Variants in ADGRB3 observed in about 807,000 individuals in gnomAD.
ADGRB3 encodes brain-specific angiogenesis inhibitor 3.
ADGRB3 carries 37 observed loss-of-function variants against 193.4 expected under a neutral mutation model. The ratio of observed to expected loss-of-function variants is 0.19; its 90% CI spans 0.15 to 0.25. The LOEUF (loss-of-function observed/expected upper bound fraction) is 0.25. Ranked by LOEUF, ADGRB3 falls within the 10% of genes least tolerant of loss-of-function variation. ADGRB3 has a pLI of 1.00. For synonymous variants in ADGRB3, 690 were observed against 644.2 expected (o/e 1.07, Z -1.08); for missense variants, 1,637 against 1,852.9 (o/e 0.88, Z 2.14).
At chr6:69,131,598 A>G (rs1480635229) in intron 17 of ADGRB3, among the ~76,000 whole-genome samples, 2 of 152,204 alleles carry the variant, frequency 1.3e-5, no homozygotes. Flanking sequence ...TTTAAATTTT[A>G]TAACAAGTAC....
Position 68,950,231 on chromosome 6 carries a change from T to C in ADGRB3, c.1196-5793T>C, listed in dbSNP as rs543079612. ...ACCATACCCAACTAACTTTATTTTTTATTTTTGTAGCAACACGGTCCCACT... is the reference window on the plus strand; with the variant it reads ...ACCATACCCAACTAACTTTATTTTTCATTTTTGTAGCAACACGGTCCCACT... On this transcript the variant is annotated intron_variant, in intron 6 of 31. Transcript: ENST00000370598. Among the ~76,000 whole-genome samples, 4 of 152,238 alleles carry C rather than the reference T, an allele frequency of 2.6e-5. No homozygotes were observed. The South Asian group carries it at 6.2e-4, about 24-fold the overall frequency.
intron 17 of ADGRB3, among the ~76,000 whole-genome samples, chr6:69,189,008 CTTAA>C (rs1765128570): frequency 6.6e-6 from 1 of 152,092 alleles, no homozygotes; most frequent in South Asian, 2.1e-4. Context: ...GATTTTTAAA[CTTAA>C]TTAAACAGGA....
rs138448838 is a variant in ADGRB3, at chr6:68,757,466, T to C, written c.757+118034T>C. Among the ~76,000 whole-genome samples the C allele has an allele frequency of 2.6e-3, 390 of 152,240 alleles. 1 individual carries two copies. Among genetic ancestry groups the C allele is most frequent in the African/African-American group, 8.9e-3 (370 of 41,568 alleles). On this transcript the variant is annotated intron_variant, in intron 3 of 31. Transcript: ENST00000370598. ...CTTATTTGTCTGACTGACTTTTAGT[T>C]TAAGATTTATTTTCTACCAGACTAT... is the stretch of plus-strand genomic sequence containing the variant.
chr6:68,718,603 T>C (rs2127321713), intron 3 of ADGRB3, among the ~76,000 whole-genome samples: 1 of 151,912 alleles, frequency 6.6e-6, no homozygotes, highest in East Asian at 1.9e-4. Context: ...GTCATATTCA[T>C]TTCTCAAGAC....
chr6:69,298,335 C>G (rs778295333), intron 20 of ADGRB3, among the ~76,000 whole-genome samples: 12 of 151,738 alleles, frequency 7.9e-5, no homozygotes, highest in Non-Finnish European at 1.8e-4. Flanking sequence ...CTTCTTTATT[C>G]TTTTTTTAAG....
intron 17 of ADGRB3, among the ~76,000 whole-genome samples, chr6:69,077,649 A>G (rs548928779): frequency 6.6e-6 from 1 of 152,132 alleles, no homozygotes; most frequent in East Asian, 1.9e-4. Context: ...TTCTGAGGTT[A>G]GCATTCACCT....
At chr6:69,247,761 C>T (rs546881844) in intron 20 of ADGRB3, among the ~76,000 whole-genome samples, 11 of 152,036 alleles carry the variant, frequency 7.2e-5, no homozygotes, top group East Asian at 1.9e-4. Context: ...TTATATATGG[C>T]GTGAAATTAA....
chr6:68,889,291 G>A (rs768305082), intron 3 of ADGRB3, among the ~76,000 whole-genome samples: 5 of 151,928 alleles, frequency 3.3e-5, no homozygotes, highest in African/African-American at 4.8e-5. Context: ...AGTTATGACT[G>A]AAAAAAACAA....
In ADGRB3 at chr6:69,135,507, C is replaced by CTATA. The variant is rs1267487080; in HGVS notation, c.2480+59470_2480+59473dup. ...CTGTCGTAGTAAGCCAGGGAAAAAG[C>CTATA]TATACATGCATTAATTTCTATGTAT... On this transcript the variant is annotated intron_variant, in intron 17 of 31. Coordinates refer to ENST00000370598, the MANE Select transcript of ADGRB3 (RefSeq NM_001704.3). Among the ~76,000 whole-genome samples, 5 of 152,030 alleles carry CTATA rather than the reference C, an allele frequency of 3.3e-5. No individual in the cohort carries two copies. In the East Asian group the frequency reaches 9.7e-4, roughly 29 times the overall value.
At chr6:69,063,104 G>T in intron 16 of ADGRB3, 68 bp downstream of exon 16, 1 of 1,147,806 alleles carries the variant, frequency 8.7e-7, no homozygotes, top group South Asian at 1.3e-5. Flanking sequence ...TCTTTCAACT[G>T]ATAACACCAG....
At chr6:68,710,365 T>C (rs1765389627) in intron 3 of ADGRB3, among the ~76,000 whole-genome samples, 1 of 152,076 alleles carries the variant, frequency 6.6e-6, no homozygotes, top group African/African-American at 2.4e-5. Context: ...CTGCAGCTCT[T>C]ATTTTGGGTA....
At chr6:69,014,356 A>G (rs1770028628) in intron 12 of ADGRB3, among the ~76,000 whole-genome samples, 2 of 152,038 alleles carry the variant, frequency 1.3e-5, no homozygotes, top group South Asian at 2.1e-4. Context: ...TAATAATTAT[A>G]TACCTAACCA....
intron 3 of ADGRB3, among the ~76,000 whole-genome samples, chr6:68,700,092 A>G (rs1765217279): frequency 6.6e-6 from 1 of 152,172 alleles, no homozygotes; most frequent in African/African-American, 2.4e-5. Flanking sequence ...CAGGTAAATA[A>G]ACACCATGTG....
intron 20 of ADGRB3, among the ~76,000 whole-genome samples, chr6:69,254,880 C>T (rs1475022272): frequency 7.5e-6 from 1 of 132,720 alleles, no homozygotes; most frequent in Non-Finnish European, 1.6e-5. Flanking sequence ...ACAACAGTCC[C>T]CAGAGTGTGA....
chr6:69,068,226 A>G (rs1771966473), intron 16 of ADGRB3, among the ~76,000 whole-genome samples: 1 of 152,188 alleles, frequency 6.6e-6, no homozygotes, highest in Non-Finnish European at 1.5e-5. Flanking sequence ...GTTACAAGCC[A>G]AAAGGGATGT....
intron 20 of ADGRB3, among the ~76,000 whole-genome samples, chr6:69,293,643 T>TA (rs555565783): frequency 1.7e-3 from 253 of 152,250 alleles, no homozygotes; most frequent in African/African-American, 5.7e-3. Context: ...CTACAGATCT[T>TA]ACATTCCAAG....
At chr6:69,107,751 G>A (rs534649320) in intron 17 of ADGRB3, among the ~76,000 whole-genome samples, 43 of 152,272 alleles carry the variant, frequency 2.8e-4, no homozygotes, top group Non-Finnish European at 5.7e-4. Flanking sequence ...CAATGTGGAT[G>A]CAGCTAGAGG....
chr6:69,026,567 G>A (rs1770438031), intron 13 of ADGRB3, among the ~76,000 whole-genome samples: 1 of 152,280 alleles, frequency 6.6e-6, no homozygotes, highest in Middle Eastern at 3.4e-3. Flanking sequence ...AATGCAAAAT[G>A]CTTAACAAGT....
At position 68,974,829 on chromosome 6, in the gene ADGRB3, A is replaced by G; in HGVS notation, c.1592A>G (p.Asp531Gly). The change falls in exon 9 of 32, where the codon GAC becomes GGC. Residue 531 changes from aspartate (D) to glycine (G), a missense_variant. Asp to Gly is a moderately conservative substitution (Grantham distance 94). Around this residue, in one of 7 missense-constraint regions of ADGRB3, gnomAD observed 641 missense variants for 673.9 expected, o/e 0.95. Coordinates refer to ENST00000370598, the MANE Select transcript of ADGRB3 (RefSeq NM_001704.3). ...SMVWKRTPAGDLAFNQCPLNA... is the reference protein window; with the variant it reads ...SMVWKRTPAGGLAFNQCPLNA... ...GTGTGGAAAAGAACTCCAGCAGGCG[A>G]CTTGGCATTCAATCAATGTCCCCTG... The G allele has an allele frequency of 2.5e-6, 4 of 1,613,954 alleles. No individual in the cohort carries two copies. The highest frequency in any genetic ancestry group is 3.4e-6 in the Non-Finnish European group (4 of 1,179,896).
Sources: allele counts gnomAD v4.1 joint callset (sites outside exome capture counted in the v4.1 genomes callset), GRCh38; gene constraint gnomAD v4.1.1; regional missense constraint gnomAD v4.1.1; transcripts MANE v1.5; gene names NCBI Gene and HGNC (gene_info 2026-07-23, HGNC 2026-07-21).